Variants in DEPTOR observed in about 807,000 individuals in gnomAD.
DEPTOR encodes the protein DEP domain-containing mTOR-interacting protein.
A neutral mutation model predicts 41.6 loss-of-function variants in DEPTOR; 41 were observed. That is an observed-to-expected ratio of 0.98 (90% CI 0.77 to 1.28). DEPTOR has a LOEUF of 1.28. DEPTOR is among the 50% of genes most tolerant of loss of function. The pLI is 0.00. For synonymous variants in DEPTOR, 195 were observed against 192.3 expected (o/e 1.01, Z -0.12); for missense variants, 514 against 527.9 (o/e 0.97, Z 0.26).
chr8:119,950,746 C>T (rs377193346), intron 3 of DEPTOR, among the ~76,000 whole-genome samples: 3 of 152,216 alleles, frequency 2.0e-5, no homozygotes, highest in African/African-American at 4.8e-5. Context: ...AGGCGTGCAC[C>T]ACTATGCCCA....
At chr8:120,032,940 G>A (rs935048782) in intron 8 of DEPTOR, among the ~76,000 whole-genome samples, 11 of 152,278 alleles carry the variant, frequency 7.2e-5, no homozygotes, top group Middle Eastern at 3.4e-3. Context: ...CAGAAAATGT[G>A]CTTGGTGCAA....
chr8:119,898,118 C>T lies in DEPTOR; in HGVS notation c.122+24150C>T, dbSNP rs76827657. 3.5e-4 allele frequency among the ~76,000 whole-genome samples: 53 copies of T among 152,292 alleles called. 1 individual carries two copies. In the East Asian group the frequency reaches 9.4e-3, roughly 27 times the overall value. ...AAACACAGTCATGCCCACTGATTTA[C>T]GTATTGTCTACAACTACTTTCATGC... On this transcript the variant is annotated intron_variant, in intron 1 of 8. Coordinates refer to ENST00000286234, the MANE Select transcript of DEPTOR (RefSeq NM_022783.4).
intron 3 of DEPTOR, among the ~76,000 whole-genome samples, chr8:119,930,852 G>A (rs780997618): frequency 6.6e-6 from 1 of 152,132 alleles, no homozygotes; most frequent in African/African-American, 2.4e-5. Context: ...AGAAAAAGGG[G>A]TGCAGAAGCA....
intron 1 of DEPTOR, among the ~76,000 whole-genome samples, chr8:119,894,384 T>TTTATTTATTTATTTA (rs1586602497): frequency 1.9e-4 from 9 of 46,484 alleles, no homozygotes; most frequent in East Asian, 8.8e-3. Flanking sequence ...AATAGTTCTT[T>TTTATTTATTTATTTA]TTTATTTATT....
Position 119,952,622 on chromosome 8 carries a change from G to A in DEPTOR, c.426-12610G>A, listed in dbSNP as rs552397476. Among the ~76,000 whole-genome samples the A allele has an allele frequency of 6.6e-5, 10 of 152,348 alleles. No individual in the cohort carries two copies. The South Asian group carries it at 1.0e-3, about 16-fold the overall frequency. On this transcript the variant is annotated intron_variant, in intron 3 of 8. Transcript: ENST00000286234. ...CAGTATGTGTTGTTCCCCCCGGGCC[G>A]TGTCCATGTGTTCTCATTGTTCAGT... is the stretch of plus-strand genomic sequence containing the variant.
intron 4 of DEPTOR, among the ~76,000 whole-genome samples, chr8:119,968,067 C>T (rs1473312556): frequency 6.6e-6 from 1 of 152,148 alleles, no homozygotes; most frequent in Non-Finnish European, 1.5e-5. Flanking sequence ...GACAGGGAAG[C>T]ACAGTGCTGG....
At chr8:120,025,751 C>T (rs1812786936) in intron 8 of DEPTOR, among the ~76,000 whole-genome samples, 1 of 152,002 alleles carries the variant, frequency 6.6e-6, no homozygotes, top group Non-Finnish European at 1.5e-5. Context: ...ACTACTGTGG[C>T]TCTAGCTGGT....
intron 8 of DEPTOR, among the ~76,000 whole-genome samples, chr8:120,021,561 A>G (rs965662638): frequency 6.6e-6 from 1 of 152,206 alleles, no homozygotes; most frequent in South Asian, 2.1e-4. Flanking sequence ...AAATACGCTT[A>G]TATTTGCAAA....
intron 3 of DEPTOR, among the ~76,000 whole-genome samples, chr8:119,957,478 T>C (rs867563540): frequency 7.9e-5 from 12 of 152,234 alleles, no homozygotes; most frequent in South Asian, 6.2e-4. Context: ...CTAGTTTTTC[T>C]TCCATTTTGT....
At chr8:119,955,511 G>C (rs2129939096) in intron 3 of DEPTOR, among the ~76,000 whole-genome samples, 1 of 151,446 alleles carries the variant, frequency 6.6e-6, no homozygotes, top group Non-Finnish European at 1.5e-5. Flanking sequence ...TTATTGCCCA[G>C]GCTGGAGTGC....
At chr8:119,974,235 T>TAAAAA (rs35885551) in intron 4 of DEPTOR, among the ~76,000 whole-genome samples, 2 of 74,910 alleles carry the variant, frequency 2.7e-5, no homozygotes, top group East Asian at 9.6e-4. Context: ...CTTGTCTCTT[T>TAAAAA]AAAAAAAAAA....
intron 1 of DEPTOR, among the ~76,000 whole-genome samples, chr8:119,922,607 T>C (rs1187067994): frequency 6.6e-6 from 1 of 152,206 alleles, no homozygotes; most frequent in Non-Finnish European, 1.5e-5. Flanking sequence ...CAACTCTACA[T>C]AGGTATCATT....
intron 4 of DEPTOR, among the ~76,000 whole-genome samples, chr8:119,972,730 C>A (rs1828649540): frequency 6.6e-6 from 1 of 152,016 alleles, no homozygotes; most frequent in South Asian, 2.1e-4. Flanking sequence ...GCACTCTTAA[C>A]CGCTAAAGAA....
At chr8:119,967,753 C>CA (rs369574750) in intron 4 of DEPTOR, among the ~76,000 whole-genome samples, 13,682 of 84,838 alleles carry the variant, frequency 0.16, 787 homozygotes, top group South Asian at 0.27. Context: ...GACTTCGTCC[C>CA]AAAAAAAAAA....
At position 119,884,185 on chromosome 8, in the gene DEPTOR, G is replaced by A. The variant is rs561928302; in HGVS notation, c.122+10217G>A. On this transcript the variant is annotated intron_variant, in intron 1 of 8. Transcript: ENST00000286234. ...CGATTCTCCTGCCTCAGCCTCCCCAGTAGCTGGGACTACAGGCAGGCACCA... is the reference window on the plus strand; with the variant it reads ...CGATTCTCCTGCCTCAGCCTCCCCAATAGCTGGGACTACAGGCAGGCACCA... Among the ~76,000 whole-genome samples the A allele has an allele frequency of 2.0e-5, 3 of 152,268 alleles. No individual in the cohort carries two copies. The East Asian group carries it at 5.8e-4, about 29-fold the overall frequency.
In DEPTOR at chr8:119,965,345, C is replaced by T. The variant is rs77469250; in HGVS notation, c.539C>T (p.Ala180Val). The change falls in exon 4 of 9, where the codon GCC becomes GTC. Residue 180 changes from alanine (A) to valine (V), a missense_variant. Ala to Val is a moderately conservative substitution (Grantham distance 64). Coordinates refer to ENST00000286234, the MANE Select transcript of DEPTOR (RefSeq NM_022783.4). ...GACTGGCTGGTTCAGGAAGGTGAGG[C>T]CACCACGAGGAAAGAGGCAGAGCAG... ...FLDWLVQEGE[A>V]TTRKEAEQLC... The T allele has an allele frequency of 6.2e-7, 1 of 1,614,092 alleles. No individual in the cohort carries two copies. Among genetic ancestry groups the T allele is most frequent in the South Asian group, 1.1e-5 (1 of 91,076 alleles).
At chr8:119,954,751 T>G (rs982064473) in intron 3 of DEPTOR, among the ~76,000 whole-genome samples, 2 of 152,166 alleles carry the variant, frequency 1.3e-5, no homozygotes, top group Admixed American at 1.3e-4. Context: ...AATACGGGTC[T>G]GGGAAATCTG....
chr8:119,874,324 C>A, intron 1 of DEPTOR: 1 of 311,654 alleles, frequency 3.2e-6, no homozygotes, highest in Non-Finnish European at 5.9e-6. Flanking sequence ...CAGCCTGCGC[C>A]TCATCCGCGA....
intron 1 of DEPTOR, among the ~76,000 whole-genome samples, chr8:119,916,288 T>TGG (rs1563964777): frequency 7.6e-6 from 1 of 132,446 alleles, no homozygotes; most frequent in Non-Finnish European, 1.6e-5. Context: ...TTTTTTTTTT[T>TGG]TTTTTTTTTT....
Sources: allele counts gnomAD v4.1 joint callset (sites outside exome capture counted in the v4.1 genomes callset), GRCh38; gene constraint gnomAD v4.1.1; transcripts MANE v1.5; gene names NCBI Gene and HGNC (gene_info 2026-07-23, HGNC 2026-07-21).